Variants in KIDINS220 observed in about 807,000 individuals in gnomAD.
KIDINS220 encodes the protein kinase D-interacting substrate of 220 kDa.
A neutral mutation model predicts 157.6 loss-of-function variants in KIDINS220; 63 were observed. The ratio of observed to expected loss-of-function variants is 0.40; its 90% CI spans 0.33 to 0.49. The LOEUF (loss-of-function observed/expected upper bound fraction) is 0.49. Among genes scored for constraint, KIDINS220 ranks in the 20% least tolerant of loss-of-function variants. KIDINS220 has a pLI of 0.66. For synonymous variants in KIDINS220, 732 were observed against 783.6 expected (o/e 0.93, Z 1.10); for missense variants, 1,772 against 2,171.2 (o/e 0.82, Z 3.65).
chr2:8,803,668 CCTGT>C (rs1400225970), intron 7 of KIDINS220, among the ~76,000 whole-genome samples: 1 of 152,104 alleles, frequency 6.6e-6, no homozygotes, highest in East Asian at 1.9e-4. Context: ...ATTTTCAAAA[CCTGT>C]CTTATTTTAA....
intron 22 of KIDINS220, chr2:8,757,673 G>A (rs755025396): frequency 3.1e-6 from 5 of 1,612,170 alleles, no homozygotes; most frequent in African/African-American, 1.3e-5. Context: ...TCCATGTCCT[G>A]CTTATTTGCA....
intron 22 of KIDINS220, among the ~76,000 whole-genome samples, chr2:8,752,380 G>C (rs1407488444): frequency 6.6e-6 from 1 of 152,092 alleles, no homozygotes; most frequent in African/African-American, 2.4e-5. Flanking sequence ...TACAAAAAAA[G>C]GTAACAATGA....
intron 21 of KIDINS220, among the ~76,000 whole-genome samples, chr2:8,774,994 T>C (rs544444557): frequency 1.3e-5 from 2 of 152,260 alleles, no homozygotes; most frequent in Non-Finnish European, 2.9e-5. Context: ...ATGAGGGTGG[T>C]ATGCCAGAAA....
chr2:8,784,675 G>A (rs1234651548), intron 17 of KIDINS220, among the ~76,000 whole-genome samples: 1 of 152,160 alleles, frequency 6.6e-6, no homozygotes, highest in Non-Finnish European at 1.5e-5. Flanking sequence ...TCCACAACAT[G>A]TGTAATCAGG....
intron 22 of KIDINS220, among the ~76,000 whole-genome samples, chr2:8,753,083 A>T (rs930588262): frequency 1.1e-4 from 16 of 152,214 alleles, no homozygotes; most frequent in African/African-American, 3.9e-4. Flanking sequence ...AGAACGCATC[A>T]CCGAGGGATA....
intron 17 of KIDINS220, among the ~76,000 whole-genome samples, chr2:8,782,007 G>A (rs945536178): frequency 1.2e-4 from 18 of 151,936 alleles, no homozygotes; most frequent in African/African-American, 3.4e-4. Flanking sequence ...CCAGCTACTC[G>A]GCAGGCTGAG....
chr2:8,787,430 G>A (rs1001187801), intron 15 of KIDINS220, among the ~76,000 whole-genome samples: 2 of 150,652 alleles, frequency 1.3e-5, no homozygotes, highest in Non-Finnish European at 3.0e-5. Context: ...GTGCGGTGGC[G>A]TGATCTTGGC....
At chr2:8,791,006 C>T in intron 13 of KIDINS220, 54 bp downstream of exon 13, 1 of 1,509,098 alleles carries the variant, frequency 6.6e-7, no homozygotes, top group Non-Finnish European at 9.0e-7. Context: ...CAGAAAAATC[C>T]CCAGAGAAAA....
chr2:8,736,846 C>T (rs370563205), intron 27 of KIDINS220, 22 bp downstream of exon 27: 92 of 1,613,180 alleles, frequency 5.7e-5, no homozygotes, highest in African/African-American at 3.6e-4. Flanking sequence ...GTCTCTGGTC[C>T]GTGTGTAAGT....
At chr2:8,755,553 C>A (rs1373182996) in intron 22 of KIDINS220, among the ~76,000 whole-genome samples, 1 of 152,184 alleles carries the variant, frequency 6.6e-6, no homozygotes, top group Non-Finnish European at 1.5e-5. Flanking sequence ...AAGAACTCTA[C>A]CCCTTTAAAA....
At chr2:8,827,459 A>G (rs959543726) in intron 1 of KIDINS220, among the ~76,000 whole-genome samples, 2 of 152,162 alleles carry the variant, frequency 1.3e-5, no homozygotes, top group African/African-American at 4.8e-5. Context: ...TTCCAAGGCC[A>G]AAAGCATTGA....
chr2:8,790,831 GA>G (rs1369041266), intron 13 of KIDINS220, among the ~76,000 whole-genome samples: 1 of 152,074 alleles, frequency 6.6e-6, no homozygotes, highest in Non-Finnish European at 1.5e-5. Context: ...TGAAGGGCCC[GA>G]AAAAAACTTG....
intron 6 of KIDINS220, among the ~76,000 whole-genome samples, chr2:8,809,552 T>C (rs1050099075): frequency 6.6e-6 from 1 of 151,836 alleles, no homozygotes; most frequent in African/African-American, 2.4e-5. Context: ...TTGCTCACCA[T>C]ATTCCGTTAC....
At chr2:8,800,366 T>G in intron 9 of KIDINS220, 34 bp downstream of exon 9, 1 of 1,376,818 alleles carries the variant, frequency 7.3e-7, no homozygotes, top group African/African-American at 1.4e-5. Flanking sequence ...GCAATTATAC[T>G]CTAAGATAGC....
At chr2:8,786,918 A>T (rs923416580) in intron 15 of KIDINS220, among the ~76,000 whole-genome samples, 13 of 152,168 alleles carry the variant, frequency 8.5e-5, no homozygotes, top group Admixed American at 7.9e-4. Context: ...TTCACAATTG[A>T]TCTTCAAAAT....
At chr2:8,777,812 G>A (rs1671166497) in intron 20 of KIDINS220, among the ~76,000 whole-genome samples, 1 of 152,158 alleles carries the variant, frequency 6.6e-6, no homozygotes, top group African/African-American at 2.4e-5. Flanking sequence ...ACCCAAGGTT[G>A]CCAGGCAAGA....
intron 5 of KIDINS220, among the ~76,000 whole-genome samples, chr2:8,812,943 T>C (rs370801070): frequency 6.6e-6 from 1 of 152,176 alleles, no homozygotes; most frequent in African/African-American, 2.4e-5. Flanking sequence ...GATTAAGGAT[T>C]CACACACAGA....
At chr2:8,765,706 C>T (rs1669394484) in intron 22 of KIDINS220, among the ~76,000 whole-genome samples, 1 of 152,034 alleles carries the variant, frequency 6.6e-6, no homozygotes, top group African/African-American at 2.4e-5. Context: ...CTTTTATTAT[C>T]TTTAAAAGAC....
At chr2:8,761,174 T>G (rs1055891113) in intron 22 of KIDINS220, among the ~76,000 whole-genome samples, 1 of 152,206 alleles carries the variant, frequency 6.6e-6, no homozygotes, top group Non-Finnish European at 1.5e-5. Flanking sequence ...TGATGAATTG[T>G]CCATGCAATT....
Sources: allele counts gnomAD v4.1 joint callset (sites outside exome capture counted in the v4.1 genomes callset), GRCh38; gene constraint gnomAD v4.1.1; transcripts MANE v1.5; gene names NCBI Gene and HGNC (gene_info 2026-07-23, HGNC 2026-07-21).